Variants in MYO16 observed in about 807,000 individuals in gnomAD.
MYO16 encodes myosin XVI.
A neutral mutation model predicts 205.3 loss-of-function variants in MYO16; 94 were observed. The ratio of observed to expected loss-of-function variants is 0.46; its 90% CI spans 0.39 to 0.54. The LOEUF (loss-of-function observed/expected upper bound fraction) is 0.54, where lower values mean the gene tolerates loss of function less well. Among genes scored for constraint, MYO16 ranks in the 20% least tolerant of loss-of-function variants. The pLI is 0.00. For synonymous variants in MYO16, 988 were observed against 954.0 expected (o/e 1.04, Z -0.66); for missense variants, 2,315 against 2,387.5 (o/e 0.97, Z 0.63).
chr13:108,806,003 T>C (rs1887103080), intron 6 of MYO16, among the ~76,000 whole-genome samples: 1 of 151,654 alleles, frequency 6.6e-6, no homozygotes, highest in Non-Finnish European at 1.5e-5. Context: ...CCCAGCTACT[T>C]AGTAGGGAGA....
At chr13:108,543,312 G>T in the MYO16 span, among the ~76,000 whole-genome samples, 1 of 152,052 alleles carries the variant, frequency 6.6e-6, no homozygotes, top group Non-Finnish European at 1.5e-5. Flanking sequence ...ATATTTTAAG[G>T]ATAATATACC....
At chr13:108,870,326 A>G (rs1461254372) in intron 12 of MYO16, among the ~76,000 whole-genome samples, 2 of 152,024 alleles carry the variant, frequency 1.3e-5, no homozygotes, top group African/African-American at 4.8e-5. Context: ...ATCTATGTTC[A>G]TGAAAAAGAT....
the MYO16 span, among the ~76,000 whole-genome samples, chr13:108,583,636 T>C: frequency 6.6e-6 from 1 of 152,196 alleles, no homozygotes; most frequent in Admixed American, 6.5e-5. Flanking sequence ...GGAAGGGGAT[T>C]TCAATGCATC....
At chr13:108,894,572 G>C (rs1339661582) in intron 14 of MYO16, among the ~76,000 whole-genome samples, 7 of 152,168 alleles carry the variant, frequency 4.6e-5, no homozygotes, top group African/African-American at 1.7e-4. Flanking sequence ...GTAAGTGAGA[G>C]AGTGCAGCAT....
intron 15 of MYO16, among the ~76,000 whole-genome samples, chr13:108,903,122 G>A (rs942934633): frequency 1.2e-4 from 18 of 152,024 alleles, no homozygotes; most frequent in Admixed American, 1.1e-3. Context: ...CTTAATAATG[G>A]CCTCAGCTTC....
At chr13:108,871,536 T>C (rs1879065616) in intron 12 of MYO16, among the ~76,000 whole-genome samples, 1 of 152,184 alleles carries the variant, frequency 6.6e-6, no homozygotes, top group Non-Finnish European at 1.5e-5. Context: ...ACAAACCGCC[T>C]TGACCTTGTG....
At chr13:108,907,526 T>G (rs563218169) in intron 15 of MYO16, among the ~76,000 whole-genome samples, 1 of 152,204 alleles carries the variant, frequency 6.6e-6, no homozygotes, top group Non-Finnish European at 1.5e-5. Flanking sequence ...TTTTACCGTT[T>G]CACTTCAGAC....
At position 108,659,152 on chromosome 13, in the gene MYO16, T is replaced by C. The variant is rs530810227; in HGVS notation, c.29-6734T>C. On this transcript the variant is annotated intron_variant, in intron 1 of 34. Coordinates refer to ENST00000457511, the MANE Select transcript of MYO16 (RefSeq NM_001198950.3). ...TGTCTCGACATCATGACACAGTGCATAGGGTCCTCCAAACCAAGGTGCATG... is the reference window on the plus strand; with the variant it reads ...TGTCTCGACATCATGACACAGTGCACAGGGTCCTCCAAACCAAGGTGCATG... Among the ~76,000 whole-genome samples the C allele has an allele frequency of 2.7e-5, 4 of 150,146 alleles. No homozygotes were observed. The East Asian group carries it at 5.8e-4, about 22-fold the overall frequency.
At position 108,909,999 on chromosome 13, in the gene MYO16, C is replaced by T. The variant is rs374926885; in HGVS notation, c.1778-4C>T. On this transcript the variant is annotated splice_region_variant and splice_polypyrimidine_tract_variant and intron_variant, in intron 15 of 34. Transcript: ENST00000457511. ...AACAGAATCACTTTTCTTTTCCCAA[C>T]CAGCCAGAATTTATACATATTTGCT... The T allele has an allele frequency of 9.9e-6, 16 of 1,608,638 alleles. No individual in the cohort carries two copies. Among genetic ancestry groups the T allele is most frequent in the Middle Eastern group, 1.7e-4 (1 of 6,050 alleles).
chr13:108,827,169 T>A (rs1876318840), intron 9 of MYO16, among the ~76,000 whole-genome samples: 1 of 152,210 alleles, frequency 6.6e-6, no homozygotes, highest in African/African-American at 2.4e-5. Flanking sequence ...TATTCCGTCA[T>A]CTGAATCATG....
chr13:109,021,716 G>A (rs566982797), intron 23 of MYO16, among the ~76,000 whole-genome samples: 1 of 152,262 alleles, frequency 6.6e-6, no homozygotes, highest in South Asian at 2.1e-4. Flanking sequence ...GGTAGAAAGG[G>A]CGGTAGGTGA....
At chr13:108,898,213 A>G (rs7322768) in intron 15 of MYO16, 80 bp downstream of exon 15, 697,665 of 1,014,772 alleles carry the variant, frequency 0.69, 252,566 homozygotes, top group Non-Finnish European at 0.77. Flanking sequence ...CGCTATGGAC[A>G]CACTGTGTAT....
At chr13:109,007,956 G>A (rs746602217) in intron 21 of MYO16, among the ~76,000 whole-genome samples, 8 of 152,004 alleles carry the variant, frequency 5.3e-5, no homozygotes, top group Non-Finnish European at 1.2e-4. Flanking sequence ...GGTAAACCCA[G>A]CTTTATCTTC....
intron 20 of MYO16, among the ~76,000 whole-genome samples, chr13:108,965,187 T>G (rs11839357): frequency 0.016 from 2,508 of 152,258 alleles, 55 homozygotes; most frequent in African/African-American, 0.057. Context: ...TGTGGCCTTT[T>G]GTGCACCAAT....
intron 16 of MYO16, among the ~76,000 whole-genome samples, chr13:108,935,572 A>G (rs138896941): frequency 2.6e-4 from 40 of 152,296 alleles, no homozygotes; most frequent in African/African-American, 8.7e-4. Context: ...AAAGAGAGAT[A>G]GTTTGACTTC....
intron 24 of MYO16, 139 bp downstream of exon 24, chr13:109,047,130 C>A: frequency 1.6e-6 from 1 of 639,266 alleles, no homozygotes; most frequent in Non-Finnish European, 2.7e-6. Context: ...AATGCCCAGA[C>A]TAATGAGAAA....
chr13:109,027,959 T>C (rs571211804), intron 23 of MYO16, among the ~76,000 whole-genome samples: 3 of 152,258 alleles, frequency 2.0e-5, no homozygotes, highest in East Asian at 3.9e-4. Context: ...ATAAAGTAAG[T>C]GGTAAAGTGT....
intron 17 of MYO16, among the ~76,000 whole-genome samples, chr13:108,960,494 T>C (rs944233811): frequency 1.3e-5 from 2 of 152,310 alleles, no homozygotes; most frequent in Admixed American, 1.3e-4. Flanking sequence ...CACTTTAAAA[T>C]TGGTAAAATC....
chr13:108,730,617 A>G (rs1198898407), intron 4 of MYO16, among the ~76,000 whole-genome samples: 1 of 152,202 alleles, frequency 6.6e-6, no homozygotes, highest in Non-Finnish European at 1.5e-5. Context: ...GACCTTTCCT[A>G]TGACTCCTTG....
Sources: gnomAD v4.1 joint callset for allele counts (sites outside exome capture counted in the v4.1 genomes callset) on GRCh38, gnomAD v4.1.1 for gene constraint, MANE v1.5 for transcripts, NCBI Gene and HGNC (gene_info 2026-07-23, HGNC 2026-07-21) for gene names.